ANTXR2: variants seen among roughly 807,000 people sequenced by gnomAD.
ANTXR2 encodes the protein anthrax toxin receptor 2.
A neutral mutation model predicts 73.7 loss-of-function variants in ANTXR2; 44 were observed. The observed-to-expected ratio is 0.60, with a 90% CI of 0.47 to 0.77. The LOEUF is 0.77. ANTXR2 is among the 30% of genes least tolerant of loss of function. The probability of loss-of-function intolerance (pLI) is 0.00; values close to 1 mark genes in which losing one functional copy is unlikely to be tolerated. For synonymous variants in ANTXR2, 217 were observed against 205.9 expected, an observed-to-expected ratio of 1.05 and a Z score of -0.46; for missense variants, 604 against 592.5, an observed-to-expected ratio of 1.02 and a Z score of -0.20.
chr4:80,037,166 T>A (rs1733017688), intron 7 of ANTXR2, among the ~76,000 whole-genome samples: 1 of 152,202 alleles, frequency 6.6e-6, no homozygotes, highest in African/African-American at 2.4e-5. Context: ...AAATTCCAGA[T>A]GATCTCCAGA....
intron 16 of ANTXR2, among the ~76,000 whole-genome samples, chr4:79,907,760 A>G (rs1441851624): frequency 6.6e-6 from 1 of 152,220 alleles, no homozygotes; most frequent in Non-Finnish European, 1.5e-5. Flanking sequence ...ACGGCCATAA[A>G]AATATCAAAG....
At chr4:79,980,260 C>A (rs1225498984) in intron 14 of ANTXR2, among the ~76,000 whole-genome samples, 1 of 152,070 alleles carries the variant, frequency 6.6e-6, no homozygotes, top group Non-Finnish European at 1.5e-5. Flanking sequence ...CCACAAACAC[C>A]ACCACAAACA....
intron 16 of ANTXR2, among the ~76,000 whole-genome samples, chr4:79,925,846 G>GT (rs1247848578): frequency 6.6e-6 from 1 of 152,072 alleles, no homozygotes; most frequent in Non-Finnish European, 1.5e-5. Flanking sequence ...TTAAGCAACT[G>GT]AAGTCTGACA....
chr4:79,983,580 G>C (rs955141025), intron 14 of ANTXR2, among the ~76,000 whole-genome samples: 1 of 152,106 alleles, frequency 6.6e-6, no homozygotes, highest in Non-Finnish European at 1.5e-5. Context: ...CTTCAAAGTT[G>C]ACGTTCTATG....
intron 10 of ANTXR2, among the ~76,000 whole-genome samples, 177 bp downstream of exon 10, chr4:80,031,445 TA>T (rs1218427437): frequency 6.6e-6 from 1 of 151,862 alleles, no homozygotes; most frequent in East Asian, 1.9e-4. Flanking sequence ...CTACTAAGAG[TA>T]TAGCTGAAGT....
At chr4:80,060,753 A>G (rs980475772) in intron 3 of ANTXR2, among the ~76,000 whole-genome samples, 1 of 152,186 alleles carries the variant, frequency 6.6e-6, no homozygotes, top group Admixed American at 6.5e-5. Context: ...AATAGTATAT[A>G]TAGGGTTTGG....
At chr4:79,949,565 A>T (rs1235521273) in intron 16 of ANTXR2, among the ~76,000 whole-genome samples, 3 of 152,186 alleles carry the variant, frequency 2.0e-5, no homozygotes, top group African/African-American at 7.2e-5. Flanking sequence ...TGGCCCAAGA[A>T]TTTATTTCTT....
At chr4:79,980,921 T>TA (rs11397721) in intron 14 of ANTXR2, among the ~76,000 whole-genome samples, 9,734 of 137,474 alleles carry the variant, frequency 0.071, 1,059 homozygotes, top group African/African-American at 0.24. Flanking sequence ...TTAAGGGCTT[T>TA]AAAAAAAAAA....
intron 14 of ANTXR2, among the ~76,000 whole-genome samples, chr4:79,979,654 A>C (rs999383570): frequency 1.3e-5 from 2 of 152,174 alleles, no homozygotes; most frequent in Non-Finnish European, 2.9e-5. Flanking sequence ...TGAGGTTGTT[A>C]AAATTGTTTT....
chr4:79,919,867 A>T (rs1313252781), intron 16 of ANTXR2, among the ~76,000 whole-genome samples: 7 of 117,090 alleles, frequency 6.0e-5, no homozygotes, highest in African/African-American at 1.2e-4. Context: ...TACATATTTT[A>T]TATATATATA....
intron 16 of ANTXR2, among the ~76,000 whole-genome samples, chr4:79,949,420 G>A (rs148730255): frequency 6.6e-6 from 1 of 152,292 alleles, no homozygotes; most frequent in African/African-American, 2.4e-5. Flanking sequence ...ACTGTCCCAG[G>A]TGGGTGACCA....
intron 16 of ANTXR2, among the ~76,000 whole-genome samples, chr4:79,963,574 C>A (rs1235337261): frequency 3.9e-5 from 6 of 152,140 alleles, no homozygotes; most frequent in African/African-American, 1.4e-4. Flanking sequence ...CTACCATCTG[C>A]CCTTTGGCCA....
intron 12 of ANTXR2, among the ~76,000 whole-genome samples, chr4:79,990,183 G>C (rs550794598): frequency 6.6e-6 from 1 of 151,554 alleles, no homozygotes; most frequent in South Asian, 2.1e-4. Flanking sequence ...AAAATAAGAA[G>C]TCAAAATTAT....
At chr4:79,982,796 T>C (rs1729945887) in intron 14 of ANTXR2, among the ~76,000 whole-genome samples, 1 of 152,174 alleles carries the variant, frequency 6.6e-6, no homozygotes, top group African/African-American at 2.4e-5. Context: ...AAAATGTCCA[T>C]TGCTTCAAGA....
chr4:80,012,352 T>TC (rs1191029413), intron 11 of ANTXR2, among the ~76,000 whole-genome samples: 41 of 151,476 alleles, frequency 2.7e-4, no homozygotes, highest in South Asian at 6.3e-4. Context: ...TTTTTTTTTT[T>TC]ACAGTATTAC....
chr4:80,008,294 C>G (rs768090976), intron 12 of ANTXR2, among the ~76,000 whole-genome samples: 4 of 152,134 alleles, frequency 2.6e-5, no homozygotes, highest in South Asian at 4.1e-4. Flanking sequence ...TTTCTCTCCT[C>G]CTCTTCCCAC....
At chr4:79,931,446 TTCTTCTCTCTC>T (rs1269709763) in intron 16 of ANTXR2, among the ~76,000 whole-genome samples, 15 of 127,214 alleles carry the variant, frequency 1.2e-4, no homozygotes, top group African/African-American at 3.8e-4. Context: ...ATTTCCTCGC[TTCTTCTCTCTC>T]TCTCTCTCTC....
At chr4:79,927,997 AT>A (rs1488406656) in intron 16 of ANTXR2, among the ~76,000 whole-genome samples, 3 of 152,210 alleles carry the variant, frequency 2.0e-5, no homozygotes, top group Admixed American at 6.5e-5. Context: ...TGATCCAGTA[AT>A]CCCACTTCTG....
intron 3 of ANTXR2, among the ~76,000 whole-genome samples, chr4:80,057,452 C>T (rs555892853): frequency 2.6e-5 from 4 of 151,832 alleles, no homozygotes; most frequent in South Asian, 2.1e-4. Context: ...ATTTTTATAT[C>T]GCAATAAAAA....
Sources: allele counts gnomAD v4.1 joint callset (sites outside exome capture counted in the v4.1 genomes callset), GRCh38; gene constraint gnomAD v4.1.1; transcripts MANE v1.5; gene names NCBI Gene and HGNC (gene_info 2026-07-23, HGNC 2026-07-21).